The following SLC38A8 variants were observed in gnomAD, a reference collection of about 807,000 sequenced individuals.
SLC38A8 encodes solute carrier family 38 member 8.
SLC38A8 carries 65 observed loss-of-function variants against 46.0 expected under a neutral mutation model. That is an observed-to-expected ratio of 1.41 (90% CI 1.16 to 1.74). The LOEUF is 1.74. Among genes scored for constraint, SLC38A8 ranks in the 40% most tolerant of loss-of-function variants. The pLI is 0.00. For missense variants in SLC38A8, 998 were observed against 567.9 expected, an observed-to-expected ratio of 1.76 and a Z score of -7.70; for synonymous variants, 447 against 243.7, an observed-to-expected ratio of 1.83 and a Z score of -7.77.
At position 84,010,013 on chromosome 16, in the gene SLC38A8, C is replaced by T; in HGVS notation, c.1215-136G>A. 5 of 618,218 alleles carry T rather than the reference C, an allele frequency of 8.1e-6. No individual in the cohort carries two copies. The South Asian group carries it at 1.4e-4, about 18-fold the overall frequency. 38.3% of individuals were successfully genotyped at this position (618,218 alleles called of 1,614,324 possible). ...AAAAAAGAAAAATTCAGAATATTTC[C>T]AGTTACCTGTAGGGATGGGTTTCCA... On this transcript the variant is annotated intron_variant, in intron 10 of 10. Transcript: ENST00000299709.
At chr16:84,012,680 C>T (rs992829862) in intron 10 of SLC38A8, among the ~76,000 whole-genome samples, 1 of 152,214 alleles carries the variant, frequency 6.6e-6, no homozygotes, top group Non-Finnish European at 1.5e-5. Context: ...CTGATCCTGC[C>T]CTGGGTCCGA....
At position 84,009,887 on chromosome 16, in the gene SLC38A8, G is replaced by C. The variant is rs1353034146; in HGVS notation, c.1215-10C>G. On this transcript the variant is annotated splice_polypyrimidine_tract_variant and intron_variant, in intron 10 of 10. Transcript: ENST00000299709. ...GACCTCCAGGCAGCACCTGCCAAGTGAATAAACCCATGTCAGAGCTTTTCT... is the reference window on the plus strand; with the variant it reads ...GACCTCCAGGCAGCACCTGCCAAGTCAATAAACCCATGTCAGAGCTTTTCT... 1 of 1,609,344 alleles carries C rather than the reference G, an allele frequency of 6.2e-7. No individual in the cohort carries two copies. The highest frequency in any genetic ancestry group is 1.7e-5 in the Admixed American group (1 of 58,442).
At chr16:84,016,434 A>G (rs926688548) in intron 9 of SLC38A8, 85 bp downstream of exon 9, 1 of 1,495,420 alleles carries the variant, frequency 6.7e-7, no homozygotes, top group Admixed American at 2.0e-5. Context: ...ACCTTCCAGA[A>G]CCTTGACCTC....
chr16:84,022,532 C>G (rs2085106878), intron 7 of SLC38A8, among the ~76,000 whole-genome samples: 1 of 152,216 alleles, frequency 6.6e-6, no homozygotes, highest in Admixed American at 6.5e-5. Context: ...GGCTGGAGTT[C>G]AGGTCTCAGC....
At chr16:84,030,465 T>G (rs1398997446) in intron 5 of SLC38A8, among the ~76,000 whole-genome samples, 2 of 152,060 alleles carry the variant, frequency 1.3e-5, no homozygotes, top group Non-Finnish European at 2.9e-5. Context: ...ACGTTTCTCC[T>G]GCCAGCCCGG....
intron 9 of SLC38A8, among the ~76,000 whole-genome samples, chr16:84,014,580 A>T (rs1316137077): frequency 6.6e-6 from 1 of 152,102 alleles, no homozygotes; most frequent in Non-Finnish European, 1.5e-5. Flanking sequence ...AACCTGAGGG[A>T]GGAGCCACAT....
chr16:84,011,837 T>C (rs1597245966), intron 10 of SLC38A8, among the ~76,000 whole-genome samples: 1 of 152,236 alleles, frequency 6.6e-6, no homozygotes, highest in East Asian at 1.9e-4. Flanking sequence ...TGAGCCACAA[T>C]TACGCCACTG....
chr16:84,013,112 G>C, intron 9 of SLC38A8, 60 bp from the exon 10 acceptor site: 1 of 1,604,232 alleles, frequency 6.2e-7, no homozygotes, highest in Non-Finnish European at 8.5e-7. Flanking sequence ...CAACAAAAAG[G>C]TCCCGGGAGA....
At chr16:84,041,911 C>T in intron 2 of SLC38A8, 58 bp downstream of exon 2, 6 of 1,478,900 alleles carry the variant, frequency 4.1e-6, no homozygotes, top group South Asian at 2.7e-5. Flanking sequence ...GGAACCCCAC[C>T]CAGAAAAGCC....
chr16:84,012,998 T>TA lies in SLC38A8; in HGVS notation c.1214+2dup. ...GGTGCCACCTCATCTTAGGGACACTTACTTGACTCTTGGTCCTATAGGCTC... is the reference window on the plus strand; with the variant it reads ...GGTGCCACCTCATCTTAGGGACACTTAACTTGACTCTTGGTCCTATAGGCTC... On this transcript the variant is annotated splice_region_variant and intron_variant, in intron 10 of 10. Transcript: ENST00000299709. 1 of 1,614,078 alleles carries TA rather than the reference T, an allele frequency of 6.2e-7. No individual in the cohort carries two copies. Among genetic ancestry groups the TA allele is most frequent in the East Asian group, 2.2e-5 (1 of 44,878 alleles).
At chr16:84,010,792 C>T (rs769916890) in intron 10 of SLC38A8, among the ~76,000 whole-genome samples, 5 of 152,036 alleles carry the variant, frequency 3.3e-5, no homozygotes, top group African/African-American at 1.2e-4. Context: ...TTTGAAAAGT[C>T]CCCCCACCCT....
intron 9 of SLC38A8, among the ~76,000 whole-genome samples, chr16:84,014,054 ACT>A (rs1346364700): frequency 6.7e-6 from 1 of 150,092 alleles, no homozygotes; most frequent in African/African-American, 2.5e-5. Flanking sequence ...GTGTGACCAC[ACT>A]CTCATCTCTG....
chr16:84,022,932 G>C (rs1274858106), intron 6 of SLC38A8, 43 bp from the exon 7 acceptor site: 1 of 1,452,828 alleles, frequency 6.9e-7, no homozygotes, highest in South Asian at 1.3e-5. Flanking sequence ...GGCTTCCCCT[G>C]GAACAGGCGA....
intron 10 of SLC38A8, 85 bp downstream of exon 10, chr16:84,012,916 A>C: frequency 7.0e-7 from 1 of 1,433,890 alleles, no homozygotes; most frequent in Non-Finnish European, 9.7e-7. Flanking sequence ...AGAGGATGAG[A>C]AATAGGATCT....
At chr16:84,019,843 A>G (rs2085074752) in intron 7 of SLC38A8, among the ~76,000 whole-genome samples, 1 of 152,232 alleles carries the variant, frequency 6.6e-6, no homozygotes, top group Non-Finnish European at 1.5e-5. Context: ...CAAGCCTGAA[A>G]CCCAGCAGAG....
In SLC38A8 at chr16:84,016,529, G is replaced by A. The variant is rs376183533; in HGVS notation, c.1152C>T (p.Phe384=). ...AAGCAGGGGCCTCACCTGGGAAGAT[G>A]AAGATGAAGAAGGAACTGATGCCTC... ...IIGGISSFFI[F]IFPGLCLICA... Residue 384 remains phenylalanine, a synonymous_variant, in exon 9 of 11, where the codon TTC becomes TTT. Coordinates refer to ENST00000299709, the MANE Select transcript of SLC38A8 (RefSeq NM_001080442.3). 7.4e-6 allele frequency: 12 copies of A among 1,613,784 alleles called. No homozygotes were observed. Among genetic ancestry groups the A allele is most frequent in the Middle Eastern group, 1.6e-4 (1 of 6,082 alleles).
intron 2 of SLC38A8, among the ~76,000 whole-genome samples, chr16:84,038,329 A>G (rs2085325486): frequency 6.6e-6 from 1 of 151,796 alleles, no homozygotes; most frequent in African/African-American, 2.4e-5. Context: ...AAAAATTCAG[A>G]TGTACAGGAA....
intron 6 of SLC38A8, among the ~76,000 whole-genome samples, chr16:84,026,230 G>A (rs745415889): frequency 6.6e-6 from 1 of 152,150 alleles, no homozygotes; most frequent in Non-Finnish European, 1.5e-5. Flanking sequence ...TTCTACTGGT[G>A]TTTTGTTTTG....
chr16:84,029,835 T>C (rs1208560739), intron 5 of SLC38A8, among the ~76,000 whole-genome samples: 4 of 152,170 alleles, frequency 2.6e-5, no homozygotes, highest in Non-Finnish European at 5.9e-5. Flanking sequence ...CCAACTTCCC[T>C]CTTGAAGGCT....
Sources: allele counts gnomAD v4.1 joint callset (sites outside exome capture counted in the v4.1 genomes callset), GRCh38; gene constraint gnomAD v4.1.1; transcripts MANE v1.5; gene names NCBI Gene and HGNC (gene_info 2026-07-23, HGNC 2026-07-21).